ZMYM2: variants seen among roughly 807,000 people sequenced by gnomAD.
ZMYM2 encodes zinc finger MYM-type containing 2, also known as zinc finger MYM-type protein 2.
ZMYM2 carries 56 observed loss-of-function variants against 162.8 expected under a neutral mutation model. The observed-to-expected ratio is 0.34, with a 90% CI of 0.28 to 0.43. The LOEUF is 0.43. ZMYM2 is among the 20% of genes least tolerant of loss of function. The pLI, the probability that ZMYM2 is intolerant of heterozygous loss-of-function variation, is 1.00. For synonymous variants in ZMYM2, 510 were observed against 541.6 expected (o/e 0.94, Z 0.81); for missense variants, 1,275 against 1,621.8 (o/e 0.79, Z 3.67).
intron 6 of ZMYM2, among the ~76,000 whole-genome samples, chr13:20,007,026 T>G (rs993132662): frequency 6.6e-6 from 1 of 152,226 alleles, no homozygotes; most frequent in East Asian, 1.9e-4. Context: ...ATTCCTCTTT[T>G]GAATTTATTT....
In ZMYM2 at chr13:19,993,338, A is replaced by G. The variant is rs1401143312; in HGVS notation, c.266A>G (p.Asn89Ser). 1 of 1,613,920 alleles carries G rather than the reference A, an allele frequency of 6.2e-7. No individual in the cohort carries two copies. ...QRTITFTSSK[N>S]EELQGNDSKI... Reference sequence around the variant, plus strand: ...ACCATAACATTTACATCATCAAAAAATGAAGAACTACAAGGAAATGATTCC... The same window carrying G: ...ACCATAACATTTACATCATCAAAAAGTGAAGAACTACAAGGAAATGATTCC... The change falls in exon 3 of 25, where the codon AAT becomes AGT. Residue 89 changes from asparagine to serine, a missense_variant. Transcript: ENST00000610343.
intron 4 of ZMYM2, among the ~76,000 whole-genome samples, chr13:20,004,669 C>T (rs1046070993): frequency 2.0e-5 from 3 of 149,716 alleles, no homozygotes; most frequent in East Asian, 3.9e-4. Context: ...CCCTCTAGAA[C>T]GTATACCATA....
chr13:19,941,312 A>G, the ZMYM2 span, among the ~76,000 whole-genome samples: 3 of 145,868 alleles, frequency 2.1e-5, no homozygotes, highest in Middle Eastern at 7.1e-3. Flanking sequence ...AGAACAAACA[A>G]ACAAAAAAAC....
the ZMYM2 span, among the ~76,000 whole-genome samples, chr13:19,884,352 A>G: frequency 0.012 from 1,839 of 152,228 alleles, 39 homozygotes; most frequent in African/African-American, 0.04. Context: ...CTGGCAGAAA[A>G]AGCACGACGT....
intron 16 of ZMYM2, among the ~76,000 whole-genome samples, chr13:20,060,539 A>C (rs1956150994): frequency 6.6e-6 from 1 of 152,136 alleles, no homozygotes; most frequent in African/African-American, 2.4e-5. Flanking sequence ...TTAGTTGGGC[A>C]TGGTGGCACA....
chr13:19,900,022 C>T, the ZMYM2 span, among the ~76,000 whole-genome samples: 1 of 151,636 alleles, frequency 6.6e-6, no homozygotes, highest in Non-Finnish European at 1.5e-5. Flanking sequence ...AACAATTGTA[C>T]AGGCCAGGTG....
intron 21 of ZMYM2, 61 bp downstream of exon 21, chr13:20,067,451 T>A: frequency 6.8e-7 from 1 of 1,471,288 alleles, no homozygotes; most frequent in South Asian, 1.5e-5. Context: ...TGGTAGTTCT[T>A]GTTTCTGTAG....
intron 2 of ZMYM2, among the ~76,000 whole-genome samples, chr13:19,976,574 C>G (rs1225066708): frequency 6.6e-6 from 1 of 152,188 alleles, no homozygotes; most frequent in African/African-American, 2.4e-5. Flanking sequence ...CCAATTATCT[C>G]TTCCTCCGGC....
rs1223695701 is a variant in ZMYM2, at chr13:20,019,575, A to G, written c.1541A>G (p.Glu514Gly). Reference protein sequence around the residue: ...QVGSHPSFLKEVRDHMQDSFL... With the variant: ...QVGSHPSFLKGVRDHMQDSFL... ...GGTAGCCATCCAAGCTTCCTGAAGGAGGTTCGAGATCACATGCAGGACTCT... is the reference window on the plus strand; with the variant it reads ...GGTAGCCATCCAAGCTTCCTGAAGGGGGTTCGAGATCACATGCAGGACTCT... Residue 514 changes from glutamate (E) to glycine (G), a missense_variant, in exon 7 of 25, where the codon GAG becomes GGG. By Grantham distance (98) the Glu-to-Gly change is moderately conservative. Transcript: ENST00000610343. The G allele has an allele frequency of 8.8e-6, 14 of 1,596,230 alleles. No homozygotes were observed. The highest frequency in any genetic ancestry group is 1.2e-5 in the Non-Finnish European group (14 of 1,170,780).
intron 21 of ZMYM2, chr13:20,071,165 A>G (rs1957060034): frequency 1.3e-5 from 2 of 152,126 alleles, no homozygotes. Context: ...GGCTCACTGC[A>G]ACCTCTGCCT....
chr13:20,083,539 A>T, intron 23 of ZMYM2, 117 bp from the exon 24 acceptor site: 2 of 751,050 alleles, frequency 2.7e-6, no homozygotes, highest in Non-Finnish European at 4.2e-6. Flanking sequence ...AGAAGCCATA[A>T]CTTAAAACTC....
chr13:19,868,236 A>G, the ZMYM2 span, among the ~76,000 whole-genome samples: 2 of 152,196 alleles, frequency 1.3e-5, no homozygotes, highest in East Asian at 1.9e-4. Flanking sequence ...TTGTTTTACA[A>G]ATACCTTTCA....
At chr13:20,027,388 A>G in intron 9 of ZMYM2, 70 bp downstream of exon 9, 1 of 1,137,736 alleles carries the variant, frequency 8.8e-7, no homozygotes, top group Non-Finnish European at 1.2e-6. Flanking sequence ...GTGTAATATA[A>G]TATGCTTTAT....
chr13:19,885,938 T>TATATGTGTGTATACAC, the ZMYM2 span, among the ~76,000 whole-genome samples: 13 of 79,224 alleles, frequency 1.6e-4, 4 homozygotes, highest in East Asian at 3.3e-4. Context: ...TGTATACACA[T>TATATGTGTGTATACAC]ATATATGTAT....
Position 20,066,980 on chromosome 13 carries a change from C to T in ZMYM2, c.3262C>T (p.Leu1088Phe). Residue 1088 changes from leucine to phenylalanine, a missense_variant, in exon 20 of 25, where the codon CTT (leucine) becomes TTT (phenylalanine). Leu to Phe is a conservative substitution (Grantham distance 22). Transcript: ENST00000610343. ...GAAACACTGGGTCAAAACTAGGCAA[C>T]TTGATGAAGATCTTCTGGTATTAGA... ...AWKHWVKTRQ[L>F]DEDLLVLDEL... 1 of 1,611,618 alleles carries T rather than the reference C, an allele frequency of 6.2e-7. No individual in the cohort carries two copies. Among genetic ancestry groups the T allele is most frequent in the Non-Finnish European group, 8.5e-7 (1 of 1,178,954 alleles).
At chr13:20,072,643 T>G (rs886499737) in intron 21 of ZMYM2, among the ~76,000 whole-genome samples, 1 of 152,236 alleles carries the variant, frequency 6.6e-6, no homozygotes, top group South Asian at 2.1e-4. Context: ...AATTCACCAG[T>G]GAAGCCATAT....
At chr13:19,908,105 TGGC>T in the ZMYM2 span, among the ~76,000 whole-genome samples, 1 of 152,132 alleles carries the variant, frequency 6.6e-6, no homozygotes. Context: ...CTGGGCAACA[TGGC>T]AAAACCCTGT....
At chr13:19,973,923 T>A (rs1044943429) in intron 2 of ZMYM2, among the ~76,000 whole-genome samples, 3 of 152,144 alleles carry the variant, frequency 2.0e-5, no homozygotes, top group African/African-American at 7.2e-5. Flanking sequence ...CCCAAGACAG[T>A]TCTTTCAATA....
intron 5 of ZMYM2, among the ~76,000 whole-genome samples, chr13:20,005,753 T>G (rs1262593061): frequency 6.6e-6 from 1 of 152,212 alleles, no homozygotes; most frequent in African/African-American, 2.4e-5. Flanking sequence ...ACTTTATTTA[T>G]AGTTTTTAAA....
Sources: gnomAD v4.1 joint callset for allele counts (sites outside exome capture counted in the v4.1 genomes callset) on GRCh38, gnomAD v4.1.1 for gene constraint, MANE v1.5 for transcripts, NCBI Gene and HGNC (gene_info 2026-07-23, HGNC 2026-07-21) for gene names.